Variants in ARFGEF2 observed in about 807,000 individuals in gnomAD.
The protein encoded by ARFGEF2 is brefeldin A-inhibited guanine nucleotide-exchange protein 2.
ARFGEF2 carries 74 observed loss-of-function variants against 219.9 expected under a neutral mutation model. That is an observed-to-expected ratio of 0.34 (90% confidence interval 0.28 to 0.41). ARFGEF2 has a LOEUF of 0.41. Among genes scored for constraint, ARFGEF2 ranks in the 10% least tolerant of loss-of-function variants. The probability of loss-of-function intolerance (pLI) is 1.00; values close to 1 mark genes in which losing one functional copy is unlikely to be tolerated. For missense variants in ARFGEF2, 1,743 were observed against 2,218.3 expected, an observed-to-expected ratio of 0.79 and a Z score of 4.30; for synonymous variants, 733 against 799.2, an observed-to-expected ratio of 0.92 and a Z score of 1.40.
intron 1 of ARFGEF2, among the ~76,000 whole-genome samples, chr20:48,936,136 C>T (rs2090952962): frequency 6.9e-6 from 1 of 145,006 alleles, no homozygotes; most frequent in African/African-American, 2.6e-5. Flanking sequence ...GACCCCCCCA[C>T]CTCCCTCCCG....
At chr20:48,924,825 C>T (rs180693442) in intron 1 of ARFGEF2, among the ~76,000 whole-genome samples, 1 of 152,124 alleles carries the variant, frequency 6.6e-6, no homozygotes, top group African/African-American at 2.4e-5. Context: ...CCACTTGCTA[C>T]GTTTGTGATC....
In ARFGEF2 at chr20:49,012,101, C is replaced by T; in HGVS notation, c.3918+17C>T. ...AGGCCTCGGGTTCGTTTTTCCCCAC[C>T]TTACTCAGATGGGCAGTGAAGGGAA... On this transcript the variant is annotated intron_variant, in intron 28 of 38. Coordinates refer to ENST00000371917, the MANE Select transcript of ARFGEF2 (RefSeq NM_006420.3). The T allele has an allele frequency of 6.2e-7, 1 of 1,614,176 alleles. No individual in the cohort carries two copies. Among genetic ancestry groups the T allele is most frequent in the African/African-American group, 1.3e-5 (1 of 75,048 alleles).
chr20:48,952,424 T>G (rs1289642432), intron 4 of ARFGEF2, among the ~76,000 whole-genome samples: 1 of 152,134 alleles, frequency 6.6e-6, no homozygotes, highest in Non-Finnish European at 1.5e-5. Context: ...AAGTTTGGCT[T>G]TTTAAAAAGT....
At chr20:48,975,872 C>T (rs886195936) in intron 13 of ARFGEF2, 144 bp from the exon 14 acceptor site, 11 of 692,434 alleles carry the variant, frequency 1.6e-5, no homozygotes, top group Non-Finnish European at 2.8e-5. Context: ...CTGAATGATA[C>T]TAAGGTTTCA....
At chr20:49,012,802 A>G (rs866163574) in intron 28 of ARFGEF2, among the ~76,000 whole-genome samples, 4 of 152,212 alleles carry the variant, frequency 2.6e-5, no homozygotes, top group East Asian at 1.9e-4. Flanking sequence ...TTTAGTCCCC[A>G]TGTCAGACCT....
Position 49,010,261 on chromosome 20 carries a change from G to A in ARFGEF2, c.3614G>A (p.Arg1205His), listed in dbSNP as rs937998574. The change falls in exon 27 of 39, where the codon CGC (arginine) becomes CAC (histidine). Residue 1205 changes from arginine (R) to histidine (H), a missense_variant. Around this residue, in one of 5 missense-constraint regions of ARFGEF2, gnomAD observed 102 missense variants for 146.8 expected, o/e 0.69. Transcript: ENST00000371917. ...RSPTIRDMAI[R>H]CIAQMVNSQA... ...CCCACCATCCGGGACATGGCGATCC[G>A]CTGCATTGCCCAGATGGTGAACTCC... 3.1e-6 allele frequency: 5 copies of A among 1,614,154 alleles called. No homozygotes were observed. The highest frequency in any genetic ancestry group is 1.7e-4 in the Middle Eastern group (1 of 6,060).
At chr20:48,942,284 G>A (rs905347085) in intron 3 of ARFGEF2, among the ~76,000 whole-genome samples, 7 of 151,834 alleles carry the variant, frequency 4.6e-5, no homozygotes, top group African/African-American at 1.7e-4. Flanking sequence ...ACACACATGG[G>A]CACATAAGGC....
rs563655214 is a variant in ARFGEF2, at chr20:49,005,582, C to G, written c.3584+361C>G. Among the ~76,000 whole-genome samples the G allele has an allele frequency of 1.3e-4, 19 of 151,474 alleles. No homozygotes were observed. In the South Asian group the frequency reaches 3.1e-3, roughly 25 times the overall value. ...TGAAACCCCGTCTTTACTAAAAATA[C>G]AAAAAATTAGCCGGGCATGGTGGCG... On this transcript the variant is annotated intron_variant, in intron 26 of 38. Transcript: ENST00000371917.
intron 1 of ARFGEF2, among the ~76,000 whole-genome samples, chr20:48,933,832 G>A (rs1447763362): frequency 6.6e-5 from 10 of 152,002 alleles, no homozygotes; most frequent in Non-Finnish European, 1.2e-4. Flanking sequence ...AAGATTCAGG[G>A]AAGTTGGCCG....
chr20:48,946,493 A>G (rs188735047), intron 3 of ARFGEF2, among the ~76,000 whole-genome samples: 1 of 145,994 alleles, frequency 6.8e-6, no homozygotes, highest in East Asian at 1.9e-4. Flanking sequence ...ATATATATAT[A>G]TATTTTTATT....
intron 3 of ARFGEF2, among the ~76,000 whole-genome samples, chr20:48,947,459 T>G (rs565715373): frequency 1.3e-4 from 20 of 152,214 alleles, no homozygotes; most frequent in African/African-American, 4.8e-4. Context: ...ATCCCAGTGC[T>G]TTGGGAGGCC....
intron 30 of ARFGEF2, 95 bp from the exon 31 acceptor site, chr20:49,016,185 A>G: frequency 7.4e-7 from 1 of 1,348,254 alleles, no homozygotes; most frequent in South Asian, 1.2e-5. Context: ...ATATCACCAA[A>G]TTGCTTTCTA....
intron 6 of ARFGEF2, among the ~76,000 whole-genome samples, chr20:48,955,612 AC>A (rs755125342): frequency 6.6e-6 from 1 of 152,252 alleles, no homozygotes; most frequent in Non-Finnish European, 1.5e-5. Flanking sequence ...TTCTGCTCTA[AC>A]AAAGAGAAAA....
intron 25 of ARFGEF2, among the ~76,000 whole-genome samples, chr20:48,999,764 A>AC (rs1432722793): frequency 1.0e-3 from 154 of 150,216 alleles, no homozygotes; most frequent in African/African-American, 1.5e-3. Flanking sequence ...AAAAAAAAAA[A>AC]AAAAGAAATG....
chr20:49,016,055 T>G (rs2091527947), intron 30 of ARFGEF2, among the ~76,000 whole-genome samples: 1 of 152,198 alleles, frequency 6.6e-6, no homozygotes, highest in Admixed American at 6.5e-5. Flanking sequence ...TTTTTATTTA[T>G]TTTTTTATTC....
At chr20:49,008,369 C>T (rs1185494607) in intron 26 of ARFGEF2, among the ~76,000 whole-genome samples, 1 of 151,848 alleles carries the variant, frequency 6.6e-6, no homozygotes, top group Non-Finnish European at 1.5e-5. Context: ...TCGAGACCAG[C>T]CTGGCCAACA....
Position 49,001,033 on chromosome 20 carries a change from G to A in ARFGEF2, c.3432+2528G>A, listed in dbSNP as rs149479826. ...TTAATCAGTGCTGTTTAAGCACCAG[G>A]TCATGGAAAACTCAGGAACTCTTTT... On this transcript the variant is annotated intron_variant, in intron 25 of 38. Transcript: ENST00000371917. Among the ~76,000 whole-genome samples the A allele has an allele frequency of 2.3e-4, 35 of 150,188 alleles. No homozygotes were observed. In the East Asian group the frequency reaches 6.6e-3, roughly 28 times the overall value.
intron 27 of ARFGEF2, among the ~76,000 whole-genome samples, chr20:49,010,900 A>C (rs771831125): frequency 6.6e-6 from 1 of 152,244 alleles, no homozygotes; most frequent in Non-Finnish European, 1.5e-5. Context: ...GTTGTGGTGG[A>C]AGAAGGTGGC....
At chr20:49,004,237 G>T (rs563388440) in intron 25 of ARFGEF2, among the ~76,000 whole-genome samples, 2 of 151,556 alleles carry the variant, frequency 1.3e-5, no homozygotes, top group South Asian at 4.2e-4. Flanking sequence ...GGTGGCAGGC[G>T]CCTGTAATCC....
Sources: gnomAD v4.1 joint callset for allele counts (sites outside exome capture counted in the v4.1 genomes callset) on GRCh38, gnomAD v4.1.1 for gene constraint, gnomAD v4.1.1 regional missense constraint, MANE v1.5 for transcripts, NCBI Gene and HGNC (gene_info 2026-07-23, HGNC 2026-07-21) for gene names.